The following PHC2 variants were observed in gnomAD, a reference collection of about 807,000 sequenced individuals.
The protein encoded by PHC2 is polyhomeotic-like protein 2.
In PHC2, 29 loss-of-function variants were observed where a neutral mutation model predicts 87.4. The observed-to-expected ratio is 0.33, with a 90% CI of 0.25 to 0.45. The LOEUF (loss-of-function observed/expected upper bound fraction) is 0.45. PHC2 is among the 20% of genes least tolerant of loss of function. PHC2 has a pLI of 1.00. For synonymous variants in PHC2, 438 were observed against 461.7 expected (o/e 0.95, Z 0.66); for missense variants, 857 against 1,136.7 (o/e 0.75, Z 3.54).
rs541319359 is a variant in PHC2, at chr1:33,332,488, A to G, written c.1762-84T>C. On this transcript the variant is annotated intron_variant, in intron 10 of 14. Transcript: ENST00000683057. The surrounding 1 kb of genome is among the most constrained non-coding windows in gnomAD (Gnocchi z 4.2). Reference sequence around the variant, plus strand: ...CCATCCTCATCACAATTACACGTATAAAGTATCCAGGCACAGAGGCCAGCC... The same window carrying G: ...CCATCCTCATCACAATTACACGTATGAAGTATCCAGGCACAGAGGCCAGCC... The G allele has an allele frequency of 8.8e-4, 1,332 of 1,519,976 alleles. 13 individuals carry two copies. Among genetic ancestry groups the G allele is most frequent in the South Asian group, 2.4e-3 (211 of 88,094 alleles). The allele number at this position is 1,519,976 out of a possible 1,614,324, so 94.2% of individuals were successfully genotyped here.
intron 1 of PHC2, among the ~76,000 whole-genome samples, chr1:33,414,294 A>T (rs543271344): frequency 2.5e-4 from 38 of 152,066 alleles, no homozygotes; most frequent in Admixed American, 7.2e-4. Flanking sequence ...AATTAGCCTC[A>T]CTTATTTTCA....
Position 33,382,159 on chromosome 1 carries a change from A to T in PHC2, c.-54-6566T>A, listed in dbSNP as rs1648525957. ...ATTAGTAAGTGTGGACCCATATAAC[A>T]GCTTTAAAACTTTTTTTTCTACAGT... On this transcript the variant is annotated intron_variant, in intron 1 of 14. Transcript: ENST00000683057. This position sits in a 1 kb window ranked among gnomAD's most constrained non-coding sequence, Gnocchi z 4.3. Among the ~76,000 whole-genome samples the T allele has an allele frequency of 6.6e-6, 1 of 152,176 alleles. No homozygotes were observed. The highest frequency in any genetic ancestry group is 1.5e-5 in the Non-Finnish European group (1 of 68,034).
At chr1:33,421,117 T>C (rs953351137) in intron 1 of PHC2, among the ~76,000 whole-genome samples, 50 of 131,408 alleles carry the variant, frequency 3.8e-4, no homozygotes. Flanking sequence ...TCTCTTCTAT[T>C]TCAGGAGAAA....
intron 1 of PHC2, among the ~76,000 whole-genome samples, chr1:33,426,646 A>C (rs1005770855): frequency 6.6e-6 from 1 of 152,182 alleles, no homozygotes; most frequent in African/African-American, 2.4e-5. Flanking sequence ...TATTCTCTTC[A>C]TATTGACTGG....
chr1:33,427,184 G>A (rs891788112), intron 1 of PHC2, among the ~76,000 whole-genome samples: 1 of 152,114 alleles, frequency 6.6e-6, no homozygotes, highest in Admixed American at 6.5e-5. Flanking sequence ...ATCTGGTGCT[G>A]GGAAGATTAA....
intron 9 of PHC2, chr1:33,345,626 CTAG>C: frequency 1.0e-6 from 1 of 982,796 alleles, no homozygotes; most frequent in African/African-American, 1.7e-5. Flanking sequence ...TCTTCAAAAA[CTAG>C]TAATTCTAAA....
chr1:33,356,582 C>T (rs1647091436), intron 7 of PHC2, among the ~76,000 whole-genome samples: 1 of 151,948 alleles, frequency 6.6e-6, no homozygotes, highest in Non-Finnish European at 1.5e-5. Context: ...GGACACAGCA[C>T]ATGTTTCAGA....
chr1:33,343,423 T>C (rs552014258), intron 9 of PHC2, among the ~76,000 whole-genome samples: 82 of 144,394 alleles, frequency 5.7e-4, no homozygotes, highest in African/African-American at 1.6e-3. Flanking sequence ...TGAGCCGAGA[T>C]TGCACCACTG....
intron 7 of PHC2, among the ~76,000 whole-genome samples, chr1:33,355,999 A>AT (rs1338270430): frequency 6.6e-6 from 1 of 152,124 alleles, no homozygotes; most frequent in African/African-American, 2.4e-5. Flanking sequence ...TATAACTACT[A>AT]TATCAGTCTG....
intron 1 of PHC2, among the ~76,000 whole-genome samples, chr1:33,430,738 A>G (rs1320878044): frequency 6.7e-6 from 1 of 149,554 alleles, no homozygotes; most frequent in Non-Finnish European, 1.5e-5. Context: ...GCCGGCCGGG[A>G]CTGCGGGCTC....
chr1:33,413,491 G>A (rs1040646822), intron 1 of PHC2, among the ~76,000 whole-genome samples: 3 of 152,186 alleles, frequency 2.0e-5, no homozygotes, highest in African/African-American at 7.2e-5. Flanking sequence ...AAAGGAGACC[G>A]CAGGCAAAGT....
chr1:33,408,055 C>T (rs747922933), intron 1 of PHC2, among the ~76,000 whole-genome samples: 1 of 152,064 alleles, frequency 6.6e-6, no homozygotes, highest in Admixed American at 6.6e-5. Context: ...TTGGCCCAAG[C>T]CTATTTTATT....
At chr1:33,344,168 G>A (rs567815204) in intron 9 of PHC2, among the ~76,000 whole-genome samples, 21 of 152,224 alleles carry the variant, frequency 1.4e-4, no homozygotes, top group African/African-American at 5.1e-4. Flanking sequence ...TAGTTTAAAA[G>A]GCTAAAAATA....
At chr1:33,330,340 A>G in intron 12 of PHC2, 128 bp from the exon 13 acceptor site, 2 of 919,392 alleles carry the variant, frequency 2.2e-6, no homozygotes, top group East Asian at 4.9e-5. Context: ...TAACTCCATC[A>G]CTAACTACTA....
At chr1:33,429,436 C>G (rs548135786) in intron 1 of PHC2, among the ~76,000 whole-genome samples, 1 of 152,314 alleles carries the variant, frequency 6.6e-6, no homozygotes, top group African/African-American at 2.4e-5. Flanking sequence ...ATTCGCTGTT[C>G]CCCCGCTTTG....
At chr1:33,385,653 TA>T (rs528442388) in intron 1 of PHC2, among the ~76,000 whole-genome samples, 88 of 152,290 alleles carry the variant, frequency 5.8e-4, no homozygotes, top group African/African-American at 1.9e-3. Context: ...TTTCCTTCAA[TA>T]AACTCAAAGT....
At chr1:33,429,131 C>T (rs777267446) in intron 1 of PHC2, among the ~76,000 whole-genome samples, 19 of 152,152 alleles carry the variant, frequency 1.2e-4, no homozygotes, top group Admixed American at 3.3e-4. Context: ...AAACATTATG[C>T]CCAGTTTCAG....
rs992503616 is a variant in PHC2 at position 33,332,214 on chromosome 1, G to A, written c.1891+61C>T. 59 of 1,602,848 alleles carry A rather than the reference G, an allele frequency of 3.7e-5. No homozygotes were observed. The highest frequency in any genetic ancestry group is 5.0e-5 in the Non-Finnish European group (58 of 1,170,292). On this transcript the variant is annotated intron_variant, in intron 11 of 14. Transcript: ENST00000683057. The surrounding 1 kb of genome is among the most constrained non-coding windows in gnomAD (Gnocchi z 4.2). ...CTGGGGAAACAGAGAGAGGAAGTGTGTGAGGCCTGCCTTTCCAGCCACGCT... is the reference window on the plus strand; with the variant it reads ...CTGGGGAAACAGAGAGAGGAAGTGTATGAGGCCTGCCTTTCCAGCCACGCT...
At chr1:33,411,296 C>A (rs1649969818) in intron 1 of PHC2, among the ~76,000 whole-genome samples, 1 of 151,890 alleles carries the variant, frequency 6.6e-6, no homozygotes, top group Non-Finnish European at 1.5e-5. Flanking sequence ...TTGTTCTCTC[C>A]CAGAAGAAAT....
Sources: gnomAD v4.1 joint callset for allele counts (sites outside exome capture counted in the v4.1 genomes callset) on GRCh38, gnomAD v4.1.1 for gene constraint, Gnocchi (gnomAD v3.1) non-coding constraint, MANE v1.5 for transcripts, NCBI Gene and HGNC (gene_info 2026-07-23, HGNC 2026-07-21) for gene names.